Variants in RERE observed in about 807,000 individuals in gnomAD.
The protein encoded by RERE is arginine-glutamic acid dipeptide repeats.
RERE carries 40 observed loss-of-function variants against 146.1 expected under a neutral mutation model. The ratio of observed to expected loss-of-function variants is 0.27; its 90% CI spans 0.21 to 0.36. RERE has a LOEUF of 0.36. RERE is among the 10% of genes least tolerant of loss of function. RERE has a pLI of 1.00. For missense variants in RERE, 1,933 were observed against 2,138.7 expected (o/e 0.90, Z 1.90); for synonymous variants, 1,003 against 866.0 (o/e 1.16, Z -2.78).
intron 4 of RERE, among the ~76,000 whole-genome samples, chr1:8,609,049 C>G (rs762397287): frequency 1.1e-4 from 17 of 152,114 alleles, no homozygotes; most frequent in Non-Finnish European, 1.0e-4. Context: ...GAAACCCTAT[C>G]TCTACTAAAA....
chr1:8,631,235 C>A (rs948854738), intron 2 of RERE, among the ~76,000 whole-genome samples: 1 of 152,170 alleles, frequency 6.6e-6, no homozygotes, highest in Non-Finnish European at 1.5e-5. Flanking sequence ...ATCTTCCCAA[C>A]TTTAAAAAAT....
chr1:8,642,978 G>C (rs1364973386), intron 2 of RERE, among the ~76,000 whole-genome samples: 1 of 152,180 alleles, frequency 6.6e-6, no homozygotes, highest in Non-Finnish European at 1.5e-5. Flanking sequence ...TAAGTGCCTA[G>C]AATGTGCTAG....
At chr1:8,743,631 A>G (rs1640360565) in intron 1 of RERE, among the ~76,000 whole-genome samples, 1 of 152,104 alleles carries the variant, frequency 6.6e-6, no homozygotes, top group African/African-American at 2.4e-5. Context: ...ATGTCTCAGT[A>G]TAGACATGCA....
At chr1:8,693,034 T>C (rs1639242260) in intron 1 of RERE, among the ~76,000 whole-genome samples, 1 of 151,954 alleles carries the variant, frequency 6.6e-6, no homozygotes, top group Non-Finnish European at 1.5e-5. Context: ...AATGAGCAGT[T>C]ATATGAAAAA....
intron 1 of RERE, among the ~76,000 whole-genome samples, chr1:8,722,563 A>G (rs1354461643): frequency 6.6e-6 from 1 of 152,236 alleles, no homozygotes; most frequent in East Asian, 1.9e-4. Context: ...TGGGTTCCAC[A>G]TCTGTGGTTT....
At chr1:8,496,903 C>T (rs1017342036) in intron 9 of RERE, among the ~76,000 whole-genome samples, 1 of 152,150 alleles carries the variant, frequency 6.6e-6, no homozygotes, top group Non-Finnish European at 1.5e-5. Context: ...ACTTTAAGGT[C>T]CAGGATACAA....
intron 7 of RERE, among the ~76,000 whole-genome samples, chr1:8,520,769 A>AAAAAAC (rs1645485992): frequency 6.6e-6 from 1 of 150,640 alleles, no homozygotes; most frequent in East Asian, 1.9e-4. Context: ...AAAAAAAAAA[A>AAAAAAC]AAAAAAACCA....
intron 6 of RERE, among the ~76,000 whole-genome samples, chr1:8,544,090 C>T (rs570072524): frequency 2.4e-4 from 36 of 152,240 alleles, no homozygotes; most frequent in African/African-American, 6.5e-4. Context: ...GACAATCAAA[C>T]CATAATCATA....
chr1:8,607,481 T>C (rs1413664251), intron 4 of RERE, among the ~76,000 whole-genome samples: 1 of 149,532 alleles, frequency 6.7e-6, no homozygotes, highest in African/African-American at 2.4e-5. Flanking sequence ...GCAATTCTAT[T>C]GCTAAAAATA....
chr1:8,412,398 A>T (rs1363345468), intron 12 of RERE, among the ~76,000 whole-genome samples: 1 of 152,220 alleles, frequency 6.6e-6, no homozygotes, highest in Non-Finnish European at 1.5e-5. Context: ...GACTAAAAGG[A>T]AAAAATATCC....
intron 1 of RERE, among the ~76,000 whole-genome samples, chr1:8,668,245 A>G (rs1638623527): frequency 1.3e-5 from 2 of 152,252 alleles, no homozygotes; most frequent in African/African-American, 4.8e-5. Context: ...GTATTGCTTG[A>G]AACAGTAATT....
chr1:8,401,863 T>G (rs1398656859), intron 12 of RERE, among the ~76,000 whole-genome samples: 1 of 152,030 alleles, frequency 6.6e-6, no homozygotes, highest in Non-Finnish European at 1.5e-5. Flanking sequence ...TGTAAATTTA[T>G]TTTATTTTAT....
intron 1 of RERE, among the ~76,000 whole-genome samples, chr1:8,685,590 A>G (rs1639069427): frequency 6.6e-6 from 1 of 152,268 alleles, no homozygotes; most frequent in Admixed American, 6.5e-5. Context: ...AAAAAAAATC[A>G]GCCGGGTGTG....
intron 9 of RERE, among the ~76,000 whole-genome samples, chr1:8,496,841 G>A (rs530158622): frequency 2.3e-4 from 35 of 152,354 alleles, no homozygotes; most frequent in Non-Finnish European, 4.3e-4. Flanking sequence ...CAGCCACAAA[G>A]TAGAGACAGA....
chr1:8,659,099 C>T (rs1222194872), intron 1 of RERE, among the ~76,000 whole-genome samples: 1 of 152,204 alleles, frequency 6.6e-6, no homozygotes, highest in East Asian at 1.9e-4. Flanking sequence ...GAAAAATTAT[C>T]ACTGCCTACA....
intron 1 of RERE, among the ~76,000 whole-genome samples, chr1:8,670,553 A>C (rs1256123652): frequency 6.6e-6 from 1 of 152,238 alleles, no homozygotes; most frequent in Non-Finnish European, 1.5e-5. Flanking sequence ...AAGCTGGGCA[A>C]TGGCCATGGA....
intron 12 of RERE, among the ~76,000 whole-genome samples, chr1:8,372,404 G>T (rs1557595440): frequency 1.3e-5 from 2 of 151,916 alleles, no homozygotes; most frequent in African/African-American, 4.8e-5. Context: ...AAGAAGTCTG[G>T]ACACTCCCCT....
At position 8,480,850 on chromosome 1, in the gene RERE, G is replaced by A. The variant is rs1042204215; in HGVS notation, c.1104+14213C>T. On this transcript the variant is annotated intron_variant, in intron 10 of 22. Transcript: ENST00000400908. Reference sequence around the variant, plus strand: ...ATGTTAAAATTCTAACTGATCAAACGGTAAGTGGATGTTTTTATAAATACC... The same window carrying A: ...ATGTTAAAATTCTAACTGATCAAACAGTAAGTGGATGTTTTTATAAATACC... 3.3e-5 allele frequency among the ~76,000 whole-genome samples: 5 copies of A among 152,088 alleles called. No individual in the cohort carries two copies. In the East Asian group the frequency reaches 5.8e-4, roughly 18 times the overall value.
At chr1:8,790,615 C>T (rs1246390825) in intron 1 of RERE, among the ~76,000 whole-genome samples, 3 of 152,216 alleles carry the variant, frequency 2.0e-5, no homozygotes, top group African/African-American at 7.2e-5. Context: ...CAGAGTCTTG[C>T]TCTTGTTATC....
Sources: gnomAD v4.1 joint callset for allele counts (sites outside exome capture counted in the v4.1 genomes callset) on GRCh38, gnomAD v4.1.1 for gene constraint, MANE v1.5 for transcripts, NCBI Gene and HGNC (gene_info 2026-07-23, HGNC 2026-07-21) for gene names.